MMP21: variants seen among roughly 807,000 people sequenced by gnomAD.
MMP21 encodes matrix metalloproteinase-21.
In MMP21, 40 loss-of-function variants were observed where a neutral mutation model predicts 47.8. The observed-to-expected ratio is 0.84, with a 90% CI of 0.65 to 1.09. The LOEUF is 1.09. Ranked by LOEUF, MMP21 falls within the 50% of genes least tolerant of loss-of-function variation. MMP21 has a pLI of 0.00. For synonymous variants in MMP21, 341 were observed against 318.0 expected (o/e 1.07, Z -0.77); for missense variants, 747 against 775.3 (o/e 0.96, Z 0.43).
rs779239125 is a variant in MMP21, at chr10:125,774,153, C to T, written c.375G>A (p.Pro125=). ...PRCGVPDMRP[P]PPSAPPSPPG... ...GGGGCGAAGGCGGGGCGGAGGGGGG[C>T]GGTGGGCGCATGTCCGGGACCCCGC... Residue 125 remains proline, a synonymous_variant, in exon 2 of 7, where the codon CCG becomes CCA. Transcript: ENST00000368808. 8 of 1,275,532 alleles carry T rather than the reference C, an allele frequency of 6.3e-6. No homozygotes were observed. The Admixed American group carries it at 1.7e-4, about 27-fold the overall frequency. 79.0% of individuals were successfully genotyped at this position (1,275,532 alleles called of 1,614,324 possible).
rs1440777756 is a variant in MMP21, at chr10:125,767,030, TGA to T, written c.1411-71_1411-70del. ...ATATTTTTTGGTTAATTTATAACAA[TGA>T]GATAAGTAACTCAAGACTTTGTACC... On this transcript the variant is annotated intron_variant, in intron 6 of 6. Coordinates refer to ENST00000368808, the MANE Select transcript of MMP21 (RefSeq NM_147191.1). The T allele has an allele frequency of 1.0e-5, 13 of 1,274,570 alleles. No individual in the cohort carries two copies. The African/African-American group carries it at 2.0e-4, about 19-fold the overall frequency. 79.0% of individuals were successfully genotyped at this position (1,274,570 alleles called of 1,614,324 possible). A position where few individuals can be genotyped will look rare whatever the true frequency, so the allele number is the denominator to read the frequency against.
intron 5 of MMP21, among the ~76,000 whole-genome samples, chr10:125,768,013 G>C (rs1002730672): frequency 1.3e-5 from 2 of 152,040 alleles, no homozygotes; most frequent in East Asian, 1.9e-4. Flanking sequence ...CTCATCAAAA[G>C]CAAAAACAAA....
At position 125,770,342 on chromosome 10, in the gene MMP21, A is replaced by C. The variant is rs1422040621; in HGVS notation, c.1229T>G (p.Phe410Cys). ...CCATGAAGAATCTGTACCTTGAAAA[A>C]AATAACGTTCATCTCTTTTCCATGT... ...IWTWKRDERY[F>C]FQGNQYWRYD... The change falls in exon 5 of 7, where the codon TTT (phenylalanine) becomes TGT (cysteine). Residue 410 changes from phenylalanine to cysteine, a missense_variant. Physicochemically the swap from Phe to Cys is radical, Grantham distance 205. Transcript: ENST00000368808. The C allele has an allele frequency of 1.9e-6, 3 of 1,614,162 alleles. No homozygotes were observed. The highest frequency in any genetic ancestry group is 1.7e-6 in the Non-Finnish European group (2 of 1,180,008).
chr10:125,775,815 C>T lies in MMP21; in HGVS notation c.7G>A (p.Ala3Thr), dbSNP rs751801085. The T allele has an allele frequency of 1.9e-6, 3 of 1,606,198 alleles. No homozygotes were observed. The highest frequency in any genetic ancestry group is 1.7e-6 in the Non-Finnish European group (2 of 1,176,512). The change falls in exon 1 of 7, where the codon GCC (alanine) becomes ACC (threonine). Residue 3 changes from alanine to threonine, a missense_variant. Physicochemically the swap from Ala to Thr is moderately conservative, Grantham distance 58. Coordinates refer to ENST00000368808, the MANE Select transcript of MMP21 (RefSeq NM_147191.1). MLAASIFRPTLLL... is the reference protein window; with the variant it reads MLTASIFRPTLLL... ...AGTGTCGGACGGAAGATGGAGGCGGCGAGCATTGGCCTGGTCTGAACCCTT... is the reference window on the plus strand; with the variant it reads ...AGTGTCGGACGGAAGATGGAGGCGGTGAGCATTGGCCTGGTCTGAACCCTT...
chr10:125,775,213 G>A (rs1043875503), intron 1 of MMP21, among the ~76,000 whole-genome samples: 4 of 152,194 alleles, frequency 2.6e-5, no homozygotes, highest in African/African-American at 9.6e-5. Flanking sequence ...CACAGACTCC[G>A]GTGAAGTCCA....
Position 125,774,264 on chromosome 10 carries a change from C to G in MMP21, c.264G>C (p.Ala88=). 1 of 1,413,604 alleles carries G rather than the reference C, an allele frequency of 7.1e-7. No homozygotes were observed. Among genetic ancestry groups the G allele is most frequent in the Non-Finnish European group, 9.2e-7 (1 of 1,089,332 alleles). The allele number at this position is 1,413,604 out of a possible 1,614,324, so 87.6% of individuals were successfully genotyped here. The change falls in exon 2 of 7, where the codon GCG becomes GCC. Residue 88 remains alanine, a synonymous_variant. Coordinates refer to ENST00000368808, the MANE Select transcript of MMP21 (RefSeq NM_147191.1). ...CGTTCGCCCGCTGGAACCTGCGCAC[C>G]GCCTCGGCCAGGGCGGCGCCCTTGG... ...ETPKGAALAE[A]VRRFQRANAL...
rs1476450985 is a variant in MMP21 at position 125,767,539 on chromosome 10, T to C, written c.1403A>G (p.Glu468Gly). The C allele has an allele frequency of 3.1e-6, 5 of 1,613,862 alleles. No individual in the cohort carries two copies. Among genetic ancestry groups the C allele is most frequent in the Non-Finnish European group, 4.2e-6 (5 of 1,179,872 alleles). ...RRQKLIYFFKESLVFAFDVNR... is the reference protein window; with the variant it reads ...RRQKLIYFFKGSLVFAFDVNR... ...GAAGAGCCTTCTACTTACAAGGGAC[T>C]CCTTGAAGAAGTAAATTAACTTCTG... is the stretch of plus-strand genomic sequence containing the variant. Residue 468 changes from glutamate (E) to glycine (G), a missense_variant, in exon 6 of 7, where the codon GAG (glutamate) becomes GGG (glycine). By Grantham distance (98) the Glu-to-Gly change is moderately conservative. Coordinates refer to ENST00000368808, the MANE Select transcript of MMP21 (RefSeq NM_147191.1).
rs950453995 is a variant in MMP21, at chr10:125,770,739, G to A, written c.980-148C>T. 8 of 860,018 alleles carry A rather than the reference G, an allele frequency of 9.3e-6. No homozygotes were observed. In the Middle Eastern group the frequency reaches 1.8e-3, roughly 192 times the overall value. 53.3% of individuals were successfully genotyped at this position (860,018 alleles called of 1,614,324 possible). A position where few individuals can be genotyped will look rare whatever the true frequency, so the allele number is the denominator to read the frequency against. ...AAGACACCATGTAAGGCTGAAGTGG[G>A]GCCAGGTGCAGTGGCGCATGCCTGT... On this transcript the variant is annotated intron_variant, in intron 4 of 6. Coordinates refer to ENST00000368808, the MANE Select transcript of MMP21 (RefSeq NM_147191.1).
In MMP21 at chr10:125,773,132, G is replaced by A. The variant is rs28381289; in HGVS notation, c.698-382C>T. ...TAAAATTTGTCTTTTTCAGCCAACC[G>A]TGTCCCTATACTTCTCACCCTGGGA... is the stretch of plus-strand genomic sequence containing the variant. On this transcript the variant is annotated intron_variant, in intron 2 of 6. Transcript: ENST00000368808. The surrounding 1 kb of genome is among the most constrained non-coding windows in gnomAD (Gnocchi z 4.8). Among the ~76,000 whole-genome samples, 46 of 152,304 alleles carry A rather than the reference G, an allele frequency of 3.0e-4. No homozygotes were observed. The East Asian group carries it at 5.0e-3, about 17-fold the overall frequency.
At chr10:125,774,413 C>A in intron 1 of MMP21, 48 bp from the exon 2 acceptor site, 1 of 1,281,356 alleles carries the variant, frequency 7.8e-7, no homozygotes, top group Non-Finnish European at 9.9e-7. Context: ...GCTCGGGGCC[C>A]TCCCGGGCTG....
At chr10:125,774,812 G>C (rs1564763896) in intron 1 of MMP21, among the ~76,000 whole-genome samples, 1 of 152,190 alleles carries the variant, frequency 6.6e-6, no homozygotes, top group Non-Finnish European at 1.5e-5. Context: ...GCAGGTGGGG[G>C]GTGCCAAGGA....
At position 125,770,518 on chromosome 10, in the gene MMP21, C is replaced by T. The variant is rs772412908; in HGVS notation, c.1053G>A (p.Met351Ile). 2 of 1,614,050 alleles carry T rather than the reference C, an allele frequency of 1.2e-6. No individual in the cohort carries two copies. The highest frequency in any genetic ancestry group is 2.7e-5 in the African/African-American group (2 of 75,006). The change falls in exon 5 of 7, where the codon ATG becomes ATA. Residue 351 changes from methionine (M) to isoleucine (I), a missense_variant. Physicochemically the swap from Met to Ile is conservative, Grantham distance 10. Transcript: ENST00000368808. ...RKERNQYGEV[M>I]VRFSTYFFRN... ...GGAAGAAATATGTGCTAAATCTCACCATCACCTCTCCATATTGGTTTCTCT... is the reference window on the plus strand; with the variant it reads ...GGAAGAAATATGTGCTAAATCTCACTATCACCTCTCCATATTGGTTTCTCT...
At chr10:125,767,814 G>T (rs1336624454) in intron 5 of MMP21, 110 bp from the exon 6 acceptor site, 6 of 1,117,134 alleles carry the variant, frequency 5.4e-6, no homozygotes, top group Non-Finnish European at 7.7e-6. Context: ...GTGTTGCCAT[G>T]ATTCTAGGAG....
chr10:125,770,871 AAGT>A (rs1183937704), intron 4 of MMP21, among the ~76,000 whole-genome samples: 3 of 151,704 alleles, frequency 2.0e-5, no homozygotes, highest in African/African-American at 4.8e-5. Context: ...AAAATACAAA[AAGT>A]AGCCGGGCAT....
At position 125,772,617 on chromosome 10, in the gene MMP21, A is replaced by G. The variant is rs771738813; in HGVS notation, c.831T>C (p.Leu277=). The G allele has an allele frequency of 6.2e-7, 1 of 1,614,204 alleles. No individual in the cohort carries two copies. ...GTGGCTCAGGACCACTGACCTTGAG[A>G]AGGCTGATGCCCGTGTCACTGGTGG... The part of the protein sequence containing the change: ...TPPTSDTGIS[L]LKVAVHEIGH... Residue 277 remains leucine (L), a synonymous_variant, in exon 3 of 7, where the codon CTT becomes CTC. Transcript: ENST00000368808. This position sits in a 1 kb window ranked among gnomAD's most constrained non-coding sequence, Gnocchi z 5.6.
chr10:125,772,799 C>T lies in MMP21; in HGVS notation c.698-49G>A. 2.5e-6 allele frequency: 4 copies of T among 1,594,956 alleles called. No individual in the cohort carries two copies. The South Asian group carries it at 3.3e-5, about 13-fold the overall frequency. On this transcript the variant is annotated intron_variant, in intron 2 of 6. Transcript: ENST00000368808. This position sits in a 1 kb window ranked among gnomAD's most constrained non-coding sequence, Gnocchi z 5.6. ...GTCCCGGTGAAGGATGAGTGCCCCC[C>T]ATACAGACTCCTCACCTAGGGGGTC...
chr10:125,768,451 GCTT>G (rs1458770841), intron 5 of MMP21, among the ~76,000 whole-genome samples: 8 of 152,212 alleles, frequency 5.3e-5, no homozygotes, highest in Non-Finnish European at 1.0e-4. Context: ...TATTTTAGCT[GCTT>G]CTTGTTAGTT....
Position 125,770,331 on chromosome 10 carries a change from T to C in MMP21, c.1237+3A>G, listed in dbSNP as rs1190235174. 1 of 1,614,004 alleles carries C rather than the reference T, an allele frequency of 6.2e-7. No individual in the cohort carries two copies. Among genetic ancestry groups the C allele is most frequent in the Admixed American group, 1.7e-5 (1 of 60,008 alleles). On this transcript the variant is annotated splice_donor_region_variant and intron_variant, in intron 5 of 6. Transcript: ENST00000368808. ...AATAGAACCATCCATGAAGAATCTGTACCTTGAAAAAAATAACGTTCATCT... is the reference window on the plus strand; with the variant it reads ...AATAGAACCATCCATGAAGAATCTGCACCTTGAAAAAAATAACGTTCATCT...
chr10:125,772,813 A>G lies in MMP21; in HGVS notation c.698-63T>C. The G allele has an allele frequency of 6.4e-7, 1 of 1,573,780 alleles. No homozygotes were observed. The highest frequency in any genetic ancestry group is 8.6e-7 in the Non-Finnish European group (1 of 1,157,524). ...TGAGTGCCCCCCATACAGACTCCTC[A>G]CCTAGGGGGTCCCCAGCCTCCAGGA... On this transcript the variant is annotated intron_variant, in intron 2 of 6. Transcript: ENST00000368808. The surrounding 1 kb of genome is among the most constrained non-coding windows in gnomAD (Gnocchi z 5.6).
Sources: gnomAD v4.1 joint callset for allele counts (sites outside exome capture counted in the v4.1 genomes callset) on GRCh38, gnomAD v4.1.1 for gene constraint, Gnocchi (gnomAD v3.1) non-coding constraint, MANE v1.5 for transcripts, NCBI Gene and HGNC (gene_info 2026-07-23, HGNC 2026-07-21) for gene names.